The following SOS1 variants were observed in gnomAD, a reference collection of about 807,000 sequenced individuals.
SOS1 encodes SOS Ras/Rac guanine nucleotide exchange factor 1, also known as son of sevenless homolog 1.
In SOS1, 25 loss-of-function variants were observed where a neutral mutation model predicts 157.6. The ratio of observed to expected loss-of-function variants is 0.16; its 90% CI spans 0.12 to 0.22. The LOEUF (loss-of-function observed/expected upper bound fraction) is 0.22. Ranked by LOEUF, SOS1 falls within the 10% of genes least tolerant of loss-of-function variation. SOS1 has a pLI of 1.00. For synonymous variants in SOS1, 528 were observed against 534.0 expected (o/e 0.99, Z 0.16); for missense variants, 1,237 against 1,599.1 (o/e 0.77, Z 3.86).
intron 10 of SOS1, among the ~76,000 whole-genome samples, chr2:39,021,120 T>C (rs1477376429): frequency 6.6e-6 from 1 of 151,562 alleles, no homozygotes; most frequent in Non-Finnish European, 1.5e-5. Context: ...TAAAAATTGA[T>C]ATAGAAAAGA....
At chr2:39,088,577 G>C (rs574935807) in intron 1 of SOS1, among the ~76,000 whole-genome samples, 1 of 152,062 alleles carries the variant, frequency 6.6e-6, no homozygotes, top group Non-Finnish European at 1.5e-5. Flanking sequence ...AAATCATATA[G>C]TATTTGTCCT....
intron 2 of SOS1, among the ~76,000 whole-genome samples, chr2:39,062,208 AG>A (rs1671427978): frequency 6.6e-6 from 1 of 152,002 alleles, no homozygotes; most frequent in East Asian, 1.9e-4. Flanking sequence ...GCTTGAGGTC[AG>A]GAGTTCAAGA....
At chr2:39,039,259 G>A (rs1376288143) in intron 6 of SOS1, among the ~76,000 whole-genome samples, 3 of 152,182 alleles carry the variant, frequency 2.0e-5, no homozygotes, top group Non-Finnish European at 4.4e-5. Context: ...CTTTATTGCA[G>A]TAGTCTGAAA....
In SOS1 at chr2:39,054,595, T is replaced by A; in HGVS notation, c.720+19A>T. 1 of 1,364,180 alleles carries A rather than the reference T, an allele frequency of 7.3e-7. No homozygotes were observed. The highest frequency in any genetic ancestry group is 1.0e-6 in the Non-Finnish European group (1 of 954,090). The allele number at this position is 1,364,180 out of a possible 1,614,324, so 84.5% of individuals were successfully genotyped here. On this transcript the variant is annotated intron_variant, in intron 5 of 22. Coordinates refer to ENST00000402219, the MANE Select transcript of SOS1 (RefSeq NM_005633.4). ...TTCACAACACATTCAATGAGAGGCA[T>A]ATATACAATGATACTTACATTAGCT...
chr2:38,998,451 A>C (rs997679668), intron 17 of SOS1, among the ~76,000 whole-genome samples: 4 of 152,068 alleles, frequency 2.6e-5, no homozygotes, highest in African/African-American at 9.7e-5. Flanking sequence ...GGGTTTCACC[A>C]TGTTGGCCAG....
chr2:39,119,381 C>T (rs1673779063), intron 1 of SOS1, among the ~76,000 whole-genome samples: 2 of 152,156 alleles, frequency 1.3e-5, no homozygotes, highest in African/African-American at 4.8e-5. Context: ...AAGTTACTGG[C>T]CTTTGAGAAA....
chr2:39,057,698 T>C (rs1671258904), intron 3 of SOS1, among the ~76,000 whole-genome samples: 2 of 152,094 alleles, frequency 1.3e-5, no homozygotes, highest in South Asian at 2.1e-4. Context: ...ATAATATTTA[T>C]ATACCTCAAT....
chr2:39,034,209 T>C (rs1030806828), intron 8 of SOS1, among the ~76,000 whole-genome samples: 2 of 152,190 alleles, frequency 1.3e-5, no homozygotes, highest in Admixed American at 6.5e-5. Flanking sequence ...CATTCCTAAT[T>C]GAGAAATCAA....
intron 6 of SOS1, among the ~76,000 whole-genome samples, chr2:39,044,957 C>A (rs963490241): frequency 1.3e-5 from 2 of 152,030 alleles, no homozygotes; most frequent in Non-Finnish European, 2.9e-5. Flanking sequence ...ATGTTCAAGT[C>A]CCTGATATAA....
At chr2:39,020,914 GC>G (rs1669774825) in intron 10 of SOS1, among the ~76,000 whole-genome samples, 1 of 151,332 alleles carries the variant, frequency 6.6e-6, no homozygotes, top group African/African-American at 2.4e-5. Context: ...AAAAAACTTA[GC>G]CACAACACTG....
At chr2:39,040,067 AG>A (rs1670510227) in intron 6 of SOS1, among the ~76,000 whole-genome samples, 1 of 151,844 alleles carries the variant, frequency 6.6e-6, no homozygotes, top group African/African-American at 2.4e-5. Context: ...GCTGGAGTGC[AG>A]TGGCGTGACC....
chr2:39,045,247 A>AGGGAGAGAGAGG (rs150513425), intron 6 of SOS1, among the ~76,000 whole-genome samples: 3 of 129,380 alleles, frequency 2.3e-5, no homozygotes, highest in Admixed American at 1.6e-4. Context: ...AGAGAGGGAG[A>AGGGAGAGAGAGG]GAGAGAGAGA....
chr2:39,019,461 AT>A (rs1232190547), intron 10 of SOS1, among the ~76,000 whole-genome samples: 1 of 151,746 alleles, frequency 6.6e-6, no homozygotes, highest in African/African-American at 2.4e-5. Context: ...TCTTCATACC[AT>A]TGCCAGATTT....
At chr2:39,074,589 T>A (rs756149818) in intron 1 of SOS1, among the ~76,000 whole-genome samples, 4 of 152,036 alleles carry the variant, frequency 2.6e-5, no homozygotes, top group African/African-American at 4.8e-5. Flanking sequence ...TTTCTCTGGC[T>A]GGGCACGGTG....
Position 38,982,432 on chromosome 2 carries a change from A to T in SOS1, c.*3392T>A, listed in dbSNP as rs1668432798. ...GAATAAAGTCATCATGTTCCCTTATAAATAACTTTACTGCATAATTCTTTC... is the reference window on the plus strand; with the variant it reads ...GAATAAAGTCATCATGTTCCCTTATTAATAACTTTACTGCATAATTCTTTC... On this transcript the variant is annotated 3_prime_UTR_variant, in exon 23 of 23. Transcript: ENST00000402219. 1 of 152,196 alleles carries T rather than the reference A, an allele frequency of 6.6e-6. No individual in the cohort carries two copies. The highest frequency in any genetic ancestry group is 2.4e-5 in the African/African-American group (1 of 41,460). The allele number at this position is 152,196 out of a possible 1,614,324, so 9.4% of individuals were successfully genotyped here. A position where few individuals can be genotyped will look rare whatever the true frequency, so the allele number is the denominator to read the frequency against.
chr2:39,036,604 C>A (rs1313536842), intron 6 of SOS1, among the ~76,000 whole-genome samples: 1 of 150,234 alleles, frequency 6.7e-6, no homozygotes, highest in Non-Finnish European at 1.5e-5. Context: ...GACGGAGTCT[C>A]CCTCTGTCGG....
chr2:39,045,273 A>AGTGTGTGT (rs60673777), intron 6 of SOS1, among the ~76,000 whole-genome samples: 12,319 of 108,150 alleles, frequency 0.11, 881 homozygotes, highest in African/African-American at 0.18. Flanking sequence ...AGAGAGAGAG[A>AGTGTGTGT]GTGTGTGTGT....
chr2:39,044,932 T>C (rs1296834742), intron 6 of SOS1, among the ~76,000 whole-genome samples: 1 of 152,098 alleles, frequency 6.6e-6, no homozygotes, highest in Non-Finnish European at 1.5e-5. Flanking sequence ...CCCATGCAGA[T>C]ACCAAAATCT....
chr2:39,120,345 C>T lies in SOS1; in HGVS notation c.78G>A (p.Ala26=). 6.3e-7 allele frequency: 1 copy of T among 1,586,170 alleles called. No individual in the cohort carries two copies. The highest frequency in any genetic ancestry group is 8.6e-7 in the Non-Finnish European group (1 of 1,166,946). ...CCCGCGTGCTCCTCACCTTTTTCAG[C>T]GCAGGCACCAGTAGTCCCCGCCACT... The part of the protein sequence containing the change: ...APKWRGLLVP[A]LKKVQGQVHP... The change falls in exon 1 of 23, where the codon GCG becomes GCA. Residue 26 remains alanine (A), a synonymous_variant. Transcript: ENST00000402219.
Sources: allele counts gnomAD v4.1 joint callset (sites outside exome capture counted in the v4.1 genomes callset), GRCh38; gene constraint gnomAD v4.1.1; transcripts MANE v1.5; gene names NCBI Gene and HGNC (gene_info 2026-07-23, HGNC 2026-07-21).